STARD9: variants seen among roughly 807,000 people sequenced by gnomAD.
STARD9 encodes the protein StAR related lipid transfer domain containing 9.
A neutral mutation model predicts 399.8 loss-of-function variants in STARD9; 346 were observed. That is an observed-to-expected ratio of 0.87 (90% confidence interval 0.79 to 0.95). The LOEUF is 0.95. STARD9 is among the 40% of genes least tolerant of loss of function. The pLI, the probability that STARD9 is intolerant of heterozygous loss-of-function variation, is 0.00. For synonymous variants in STARD9, 2,203 were observed against 2,143.5 expected, an observed-to-expected ratio of 1.03 and a Z score of -0.77; for missense variants, 5,832 against 5,667.5, an observed-to-expected ratio of 1.03 and a Z score of -0.93.
At chr15:42,619,551 C>CAAA (rs35639156) in intron 3 of STARD9, among the ~76,000 whole-genome samples, 5 of 135,208 alleles carry the variant, frequency 3.7e-5, no homozygotes, top group South Asian at 4.9e-4. Flanking sequence ...AAGACTGTCT[C>CAAA]AAAAAAAAAA....
chr15:42,600,272 A>G (rs1201479304), intron 3 of STARD9, among the ~76,000 whole-genome samples: 1 of 152,182 alleles, frequency 6.6e-6, no homozygotes, highest in African/African-American at 2.4e-5. Context: ...CATCACTCCC[A>G]TTCCAGGAAG....
intron 9 of STARD9, among the ~76,000 whole-genome samples, chr15:42,660,694 C>T (rs1476161782): frequency 1.3e-5 from 2 of 151,768 alleles, no homozygotes; most frequent in African/African-American, 2.4e-5. Flanking sequence ...GGCTGGATGG[C>T]GCTAAATAGA....
chr15:42,687,868 A>T lies in STARD9; in HGVS notation c.6290A>T (p.His2097Leu), dbSNP rs780866054. ...QDQKEQEKTD[H>L]AFRPDSSGNP... ...CAGAAGGAGCAGGAGAAGACTGACC[A>T]TGCCTTTAGGCCAGACAGCTCTGGA... is the stretch of plus-strand genomic sequence containing the variant. The change falls in exon 23 of 33, where the codon CAT (histidine) becomes CTT (leucine). Residue 2097 changes from histidine (H) to leucine (L), a missense_variant. His to Leu is a moderately conservative substitution (Grantham distance 99, BLOSUM62 -3). Coordinates refer to ENST00000290607, the MANE Select transcript of STARD9 (RefSeq NM_020759.3). The T allele has an allele frequency of 2.0e-6, 3 of 1,537,296 alleles. 1 individual carries two copies. The highest frequency in any genetic ancestry group is 2.4e-5 in the South Asian group (2 of 84,060).
At chr15:42,577,145 ATTTC>A (rs749123857) in intron 1 of STARD9, among the ~76,000 whole-genome samples, 3 of 151,684 alleles carry the variant, frequency 2.0e-5, no homozygotes, top group Non-Finnish European at 2.9e-5. Flanking sequence ...GACACTAGGA[ATTTC>A]TTTCTTTTTT....
At chr15:42,710,464 C>G (rs192119911) in intron 26 of STARD9, among the ~76,000 whole-genome samples, 1 of 152,040 alleles carries the variant, frequency 6.6e-6, no homozygotes, top group Non-Finnish European at 1.5e-5. Context: ...ATTTTCATTA[C>G]CCCCCTAGTT....
intron 17 of STARD9, 56 bp downstream of exon 17, chr15:42,674,547 G>A (rs1566924243): frequency 6.8e-7 from 1 of 1,478,904 alleles, no homozygotes. Context: ...GTGCCCGAAA[G>A]GTTTCTTCGA....
At chr15:42,655,534 A>T (rs149780137) in intron 9 of STARD9, among the ~76,000 whole-genome samples, 4 of 152,352 alleles carry the variant, frequency 2.6e-5, no homozygotes, top group Admixed American at 1.3e-4. Context: ...GGCAAGCCAC[A>T]TGTAAGAGAA....
Position 42,687,717 on chromosome 15 carries a change from A to T in STARD9, c.6139A>T (p.Met2047Leu). The change falls in exon 23 of 33, where the codon ATG (methionine) becomes TTG (leucine). Residue 2047 changes from methionine to leucine, a missense_variant. By Grantham distance (15) the Met-to-Leu change is conservative (BLOSUM62 2). Around this residue, in one of 2 missense-constraint regions of STARD9, gnomAD observed 5,828 missense variants for 5,651.1 expected, o/e 1.03. Coordinates refer to ENST00000290607, the MANE Select transcript of STARD9 (RefSeq NM_020759.3). ...TAAAAGAGTTAATAATACTGATGAA[A>T]TGGCTAGGCTAATTAGGAGTGTAAT... The part of the protein sequence containing the change: ...QNKRVNNTDE[M>L]ARLIRSVMQL... 6.5e-7 allele frequency: 1 copy of T among 1,537,526 alleles called. No individual in the cohort carries two copies.
chr15:42,606,404 T>G (rs1457555301), intron 3 of STARD9, among the ~76,000 whole-genome samples: 1 of 152,176 alleles, frequency 6.6e-6, no homozygotes, highest in African/African-American at 2.4e-5. Context: ...GAACATGTGT[T>G]TTCAAGCCTC....
chr15:42,652,457 A>C, intron 8 of STARD9, 63 bp from the exon 9 acceptor site: 1 of 1,344,426 alleles, frequency 7.4e-7, no homozygotes, highest in Non-Finnish European at 1.0e-6. Flanking sequence ...TTCTGTATGG[A>C]TCCTTAAGAA....
chr15:42,578,106 A>ATTTTTTTTTTTT (rs57016102), intron 1 of STARD9, among the ~76,000 whole-genome samples: 2 of 134,126 alleles, frequency 1.5e-5, no homozygotes, highest in Non-Finnish European at 3.3e-5. Flanking sequence ...TTGACGCTCA[A>ATTTTTTTTTTTT]TTTTTTTTTT....
At chr15:42,632,073 C>T (rs140413699) in intron 3 of STARD9, among the ~76,000 whole-genome samples, 25 of 152,204 alleles carry the variant, frequency 1.6e-4, no homozygotes, top group Non-Finnish European at 3.1e-4. Flanking sequence ...ATTGAGGTCT[C>T]TCTCTCTTTA....
intron 1 of STARD9, among the ~76,000 whole-genome samples, chr15:42,583,133 T>C (rs1427767003): frequency 6.6e-6 from 1 of 152,156 alleles, no homozygotes; most frequent in Non-Finnish European, 1.5e-5. Context: ...TAAATGTGAA[T>C]GTGAGCTGTT....
intron 3 of STARD9, among the ~76,000 whole-genome samples, chr15:42,607,578 A>G (rs553559102): frequency 3.3e-5 from 5 of 151,590 alleles, no homozygotes; most frequent in Admixed American, 2.0e-4. Flanking sequence ...CATATTAGAG[A>G]GGGAAAGAAT....
chr15:42,593,315 AT>A (rs150824141), intron 3 of STARD9, among the ~76,000 whole-genome samples: 3,285 of 152,148 alleles, frequency 0.022, 54 homozygotes, highest in Non-Finnish European at 0.032. Context: ...GCTCCGGCGT[AT>A]TGTGTTTGGG....
chr15:42,663,781 TG>T, intron 12 of STARD9, 38 bp from the exon 13 acceptor site: 1 of 1,401,296 alleles, frequency 7.1e-7, no homozygotes, highest in Non-Finnish European at 9.8e-7. Flanking sequence ...CTGGGATGGA[TG>T]GGCTGGCATG....
intron 2 of STARD9, 64 bp downstream of exon 2, chr15:42,583,479 C>A: frequency 8.2e-7 from 1 of 1,219,716 alleles, no homozygotes; most frequent in Non-Finnish European, 1.2e-6. Context: ...CAGGGGCTTC[C>A]AGGCTGAAGG....
At chr15:42,625,848 A>G (rs2059196079) in intron 3 of STARD9, among the ~76,000 whole-genome samples, 1 of 152,124 alleles carries the variant, frequency 6.6e-6, no homozygotes, top group Non-Finnish European at 1.5e-5. Flanking sequence ...TCGTATTTAT[A>G]AAAGAAAAAG....
intron 20 of STARD9, among the ~76,000 whole-genome samples, chr15:42,678,206 C>T (rs141349705): frequency 1.0e-3 from 157 of 152,320 alleles, no homozygotes; most frequent in African/African-American, 3.5e-3. Context: ...GGAACCTGCA[C>T]GACTAGAGAA....
Sources: gnomAD v4.1 joint callset for allele counts (sites outside exome capture counted in the v4.1 genomes callset) on GRCh38, gnomAD v4.1.1 for gene constraint, gnomAD v4.1.1 regional missense constraint, MANE v1.5 for transcripts, NCBI Gene and HGNC (gene_info 2026-07-23, HGNC 2026-07-21) for gene names.